Variants in PLXNB2 observed in about 807,000 individuals in gnomAD.
The protein encoded by PLXNB2 is plexin-B2.
Under a neutral mutation model 202.6 loss-of-function variants are expected in PLXNB2, and 85 were observed. That is an observed-to-expected ratio of 0.42 (90% confidence interval 0.35 to 0.50). The LOEUF (loss-of-function observed/expected upper bound fraction) is 0.50. Among genes scored for constraint, PLXNB2 ranks in the 20% least tolerant of loss-of-function variants. The pLI, the probability that PLXNB2 is intolerant of heterozygous loss-of-function variation, is 0.02. For missense variants in PLXNB2, 2,063 were observed against 2,586.2 expected (o/e 0.80, Z 4.39); for synonymous variants, 1,239 against 1,137.6 (o/e 1.09, Z -1.79).
Position 50,284,048 on chromosome 22 carries a change from C to T in PLXNB2, c.2264-58G>A. ...GTGCCTGCCCGCCCCCGACCTGCTC[C>T]CCACTGCGCCCACCTGTCCCCCCAC... On this transcript the variant is annotated intron_variant, in intron 13 of 36. Transcript: ENST00000359337. This position sits in a 1 kb window ranked among gnomAD's most constrained non-coding sequence, Gnocchi z 8.0. 1 of 1,525,312 alleles carries T rather than the reference C, an allele frequency of 6.6e-7. No homozygotes were observed. The allele number at this position is 1,525,312 out of a possible 1,614,324, so 94.5% of individuals were successfully genotyped here. A position where few individuals can be genotyped will look rare whatever the true frequency, so the allele number is the denominator to read the frequency against.
rs139527301 is a variant in PLXNB2 at position 50,277,581 on chromosome 22, C to A, written c.5196+10G>T. Reference sequence around the variant, plus strand: ...CCTCCCTGCCCCAGACCTGCCCCCACCCCACTCACGCGGCTCAGCTTATGC... The same window carrying A: ...CCTCCCTGCCCCAGACCTGCCCCCAACCCACTCACGCGGCTCAGCTTATGC... On this transcript the variant is annotated intron_variant, in intron 33 of 36. Coordinates refer to ENST00000359337, the MANE Select transcript of PLXNB2 (RefSeq NM_012401.4). 3 of 1,556,604 alleles carry A rather than the reference C, an allele frequency of 1.9e-6. No individual in the cohort carries two copies. The highest frequency in any genetic ancestry group is 1.4e-5 in the African/African-American group (1 of 73,518).
Position 50,288,850 on chromosome 22 carries a change from T to C in PLXNB2, c.1273A>G (p.Thr425Ala). ...ILKVYLTPDG[T>A]SSEYDSILVE... is the part of the protein sequence containing the mutation. ...AGGATAGAGTCGTACTCTGAGGAGGTGCCATCTGGGGTGAGGTACACCTGT... is the reference window on the plus strand; with the variant it reads ...AGGATAGAGTCGTACTCTGAGGAGGCGCCATCTGGGGTGAGGTACACCTGT... Residue 425 changes from threonine (T) to alanine (A), a missense_variant, in exon 5 of 37, where the codon ACC (threonine) becomes GCC (alanine). This residue lies in a region of PLXNB2 where 1,303 missense variants were observed against 1,476.8 expected (regional missense o/e 0.88). Coordinates refer to ENST00000359337, the MANE Select transcript of PLXNB2 (RefSeq NM_012401.4). This position sits in a 1 kb window ranked among gnomAD's most constrained non-coding sequence, Gnocchi z 5.0. The C allele has an allele frequency of 6.2e-7, 1 of 1,613,264 alleles. No homozygotes were observed. Among genetic ancestry groups the C allele is most frequent in the Non-Finnish European group, 8.5e-7 (1 of 1,179,922 alleles).
intron 1 of PLXNB2, among the ~76,000 whole-genome samples, chr22:50,304,333 A>G (rs1413760576): frequency 6.6e-6 from 1 of 152,132 alleles, no homozygotes; most frequent in Admixed American, 6.5e-5. Flanking sequence ...GCGGGGTGCC[A>G]GTGTTCAGGG....
At chr22:50,296,991 G>C (rs1227404868) in intron 1 of PLXNB2, among the ~76,000 whole-genome samples, 1 of 152,196 alleles carries the variant, frequency 6.6e-6, no homozygotes, top group African/African-American at 2.4e-5. Context: ...GAGGTTTCGG[G>C]GGGCAGAGGG....
chr22:50,275,837 G>A (rs372016901), intron 36 of PLXNB2, 29 bp from the exon 37 acceptor site: 81 of 1,605,446 alleles, frequency 5.0e-5, no homozygotes, highest in Middle Eastern at 1.6e-4. Context: ...AGAGCACACC[G>A]GGGGACCGCC....
Position 50,278,445 on chromosome 22 carries a change from C to G in PLXNB2, c.4722G>C (p.Leu1574=), listed in dbSNP as rs1385791299. The change falls in exon 30 of 37, where the codon CTG becomes CTC. Residue 1574 remains leucine (L), a synonymous_variant. Transcript: ENST00000359337. The part of the protein sequence containing the change: ...SQQPEDSQQD[L]PGERHALLEE... ...CAGGGAGGGACTCACGCTCCCCAGGCAGGTCCTGCTGGCTGTCCTCCGGCT... is the reference window on the plus strand; with the variant it reads ...CAGGGAGGGACTCACGCTCCCCAGGGAGGTCCTGCTGGCTGTCCTCCGGCT... The G allele has an allele frequency of 8.3e-6, 13 of 1,559,106 alleles. No individual in the cohort carries two copies. Among genetic ancestry groups the G allele is most frequent in the Admixed American group, 1.9e-5 (1 of 51,706 alleles).
chr22:50,301,493 C>A (rs2067680811), intron 1 of PLXNB2: 2 of 658,154 alleles, frequency 3.0e-6, no homozygotes, highest in Non-Finnish European at 3.8e-6. Flanking sequence ...CACGGAGGGA[C>A]TCTCGTGGGA....
chr22:50,294,628 T>C (rs2067128857), intron 2 of PLXNB2, 91 bp downstream of exon 2: 1 of 429,324 alleles, frequency 2.3e-6, no homozygotes, highest in Non-Finnish European at 3.1e-6. Flanking sequence ...GACAGAGCCT[T>C]GCAGACACCA....
chr22:50,301,049 C>T (rs1409703969), intron 1 of PLXNB2, among the ~76,000 whole-genome samples: 1 of 152,192 alleles, frequency 6.6e-6, no homozygotes, highest in Admixed American at 6.5e-5. Flanking sequence ...TAGACTGGGG[C>T]CCCAGGCTGC....
chr22:50,307,257 G>C (rs1461276642), intron 1 of PLXNB2, among the ~76,000 whole-genome samples: 1 of 152,050 alleles, frequency 6.6e-6, no homozygotes, highest in African/African-American at 2.4e-5. Context: ...GGCGGCTGAA[G>C]AGTGAGAGGC....
chr22:50,278,897 G>GC lies in PLXNB2; in HGVS notation c.4503dup (p.Gln1502AlafsTer172). 1 of 1,613,470 alleles carries GC rather than the reference G, an allele frequency of 6.2e-7. No homozygotes were observed. Among genetic ancestry groups the GC allele is most frequent in the Non-Finnish European group, 8.5e-7 (1 of 1,179,802 alleles). On this transcript the variant is annotated frameshift_variant, in exon 28 of 37. Transcript: ENST00000359337. LOFTEE classifies it high-confidence loss of function. The stretch of plus-strand genomic sequence containing the variant: ...GGCCTGGGCCAGCAGGAGCAGGGCT[G>GC]CCCACGGTACACCTGGTCAATGATC...
chr22:50,291,868 G>A lies in PLXNB2; in HGVS notation c.-13-1271C>T, dbSNP rs978985178. Among the ~76,000 whole-genome samples, 4 of 152,124 alleles carry A rather than the reference G, an allele frequency of 2.6e-5. No individual in the cohort carries two copies. The highest frequency in any genetic ancestry group is 5.9e-5 in the Non-Finnish European group (4 of 68,012). ...CCCTGCCATGGCAGGTGCCAAGGGGGTCCAGACTCGATGGCAGAGGGTTAC... is the reference window on the plus strand; with the variant it reads ...CCCTGCCATGGCAGGTGCCAAGGGGATCCAGACTCGATGGCAGAGGGTTAC... On this transcript the variant is annotated intron_variant, in intron 2 of 36. Transcript: ENST00000359337. The surrounding 1 kb of genome is among the most constrained non-coding windows in gnomAD (Gnocchi z 4.3).
At position 50,275,972 on chromosome 22, in the gene PLXNB2, T is replaced by C; in HGVS notation, c.5338-9A>G. On this transcript the variant is annotated splice_polypyrimidine_tract_variant and intron_variant, in intron 35 of 36. Coordinates refer to ENST00000359337, the MANE Select transcript of PLXNB2 (RefSeq NM_012401.4). Reference sequence around the variant, plus strand: ...AAGGAGTCCGTGTGCGCCTGGGGGGTGACGGGACAGTCAGGGTGGAAAAGG... The same window carrying C: ...AAGGAGTCCGTGTGCGCCTGGGGGGCGACGGGACAGTCAGGGTGGAAAAGG... 1 of 1,611,662 alleles carries C rather than the reference T, an allele frequency of 6.2e-7. No homozygotes were observed. The highest frequency in any genetic ancestry group is 8.5e-7 in the Non-Finnish European group (1 of 1,179,376).
rs2065465139 is a variant in PLXNB2, at chr22:50,275,252, T to C, written c.*452A>G. 1 of 378,818 alleles carries C rather than the reference T, an allele frequency of 2.6e-6. No individual in the cohort carries two copies. The highest frequency in any genetic ancestry group is 1.8e-5 in the South Asian group (1 of 54,624). 23.5% of individuals were successfully genotyped at this position (378,818 alleles called of 1,614,324 possible). A position where few individuals can be genotyped will look rare whatever the true frequency, so the allele number is the denominator to read the frequency against. ...AGGTCAGGAAGGCATCGTACCGCTT[T>C]TTCTCCTCCTCCCATCTCGTGGTGG... On this transcript the variant is annotated 3_prime_UTR_variant, in exon 37 of 37. Transcript: ENST00000359337.
At position 50,289,247 on chromosome 22, in the gene PLXNB2, A is replaced by G; in HGVS notation, c.1069-105T>C. 9.2e-7 allele frequency: 1 copy of G among 1,084,380 alleles called. No individual in the cohort carries two copies. Among genetic ancestry groups the G allele is most frequent in the Non-Finnish European group, 1.3e-6 (1 of 776,976 alleles). 67.2% of individuals were successfully genotyped at this position (1,084,380 alleles called of 1,614,324 possible). A position where few individuals can be genotyped will look rare whatever the true frequency, so the allele number is the denominator to read the frequency against. On this transcript the variant is annotated intron_variant, in intron 3 of 36. Transcript: ENST00000359337. This position sits in a 1 kb window ranked among gnomAD's most constrained non-coding sequence, Gnocchi z 8.0. Reference sequence around the variant, plus strand: ...CAGGCCCTTCCCTTCCCTCCGGCACACGTCCTACACACGTCCCCGAGAACA... The same window carrying G: ...CAGGCCCTTCCCTTCCCTCCGGCACGCGTCCTACACACGTCCCCGAGAACA...
rs774241133 is a variant in PLXNB2 at position 50,283,732 on chromosome 22, G to A, written c.2440C>T (p.Pro814Ser). Residue 814 changes from proline to serine, a missense_variant, in exon 15 of 37, where the codon CCC becomes TCC. This residue lies in a region of PLXNB2 where 1,303 missense variants were observed against 1,476.8 expected (regional missense o/e 0.88). Transcript: ENST00000359337. ...GTGATGCGGATGCCCCCACCCAGGG[G>A]GCCCGTCTCAGGCTGGATCTGAAAC... ...VITRIQPETG[P>S]LGGGIRITIL... 1 of 1,613,098 alleles carries A rather than the reference G, an allele frequency of 6.2e-7. No homozygotes were observed. The highest frequency in any genetic ancestry group is 2.2e-5 in the East Asian group (1 of 44,878).
In PLXNB2 at chr22:50,284,996, C is replaced by A; in HGVS notation, c.2089-331G>T. The A allele has an allele frequency of 2.1e-6, 1 of 467,260 alleles. No individual in the cohort carries two copies. The highest frequency in any genetic ancestry group is 4.3e-6 in the Non-Finnish European group (1 of 233,904). The allele number at this position is 467,260 out of a possible 1,614,324, so 28.9% of individuals were successfully genotyped here. On this transcript the variant is annotated intron_variant, in intron 11 of 36. Transcript: ENST00000359337. The surrounding 1 kb of genome is among the most constrained non-coding windows in gnomAD (Gnocchi z 8.0). ...GGTGGCACTGGCCCCTCAATCTCCACACGCCTGCCTCCTCCACTGCCTCTC... is the reference window on the plus strand; with the variant it reads ...GGTGGCACTGGCCCCTCAATCTCCAAACGCCTGCCTCCTCCACTGCCTCTC...
intron 15 of PLXNB2, 65 bp from the exon 16 acceptor site, chr22:50,283,510 C>T: frequency 6.7e-7 from 1 of 1,503,706 alleles, no homozygotes; most frequent in East Asian, 2.4e-5. Flanking sequence ...GACACCCTCA[C>T]CCCCTCAGCC....
At chr22:50,276,000 C>T (rs911646641) in intron 35 of PLXNB2, 37 bp from the exon 36 acceptor site, 15 of 1,589,664 alleles carry the variant, frequency 9.4e-6, no homozygotes, top group Non-Finnish European at 1.3e-5. Context: ...GGAAAAGGGG[C>T]TGTGGGAGCC....
Sources: allele counts gnomAD v4.1 joint callset (sites outside exome capture counted in the v4.1 genomes callset), GRCh38; gene constraint gnomAD v4.1.1; regional missense constraint gnomAD v4.1.1; non-coding constraint Gnocchi (gnomAD v3.1); transcripts MANE v1.5; gene names NCBI Gene and HGNC (gene_info 2026-07-23, HGNC 2026-07-21).